TNRC18: variants seen among roughly 807,000 people sequenced by gnomAD.
The protein encoded by TNRC18 is trinucleotide repeat-containing gene 18 protein.
A neutral mutation model predicts 226.7 loss-of-function variants in TNRC18; 69 were observed. That is an observed-to-expected ratio of 0.30 (90% CI 0.25 to 0.37). The LOEUF (loss-of-function observed/expected upper bound fraction) is 0.37. Ranked by LOEUF, TNRC18 falls within the 10% of genes least tolerant of loss-of-function variation. TNRC18 has a pLI of 1.00. For missense variants in TNRC18, 4,754 were observed against 4,256.6 expected, an observed-to-expected ratio of 1.12 and a Z score of -3.25; for synonymous variants, 2,449 against 1,927.6, an observed-to-expected ratio of 1.27 and a Z score of -7.09.
At chr7:5,352,631 C>T (rs560022844) in intron 16 of TNRC18, among the ~76,000 whole-genome samples, 1 of 152,390 alleles carries the variant, frequency 6.6e-6, no homozygotes, top group South Asian at 2.1e-4. Context: ...AACGCTGTTA[C>T]CGCTAGCAGA....
At chr7:5,329,588 C>T (rs1211798915) in intron 19 of TNRC18, among the ~76,000 whole-genome samples, 2 of 136,204 alleles carry the variant, frequency 1.5e-5, no homozygotes, top group Admixed American at 8.7e-5. Flanking sequence ...GAGGCTGAGG[C>T]AGGAGAACTG....
In TNRC18 at chr7:5,390,605, G is replaced by A. The variant is rs201033876; in HGVS notation, c.367C>T (p.Leu123=). 9.3e-5 allele frequency: 148 copies of A among 1,595,812 alleles called. No individual in the cohort carries two copies. The African/African-American group carries it at 1.7e-3, about 18-fold the overall frequency. Residue 123 remains leucine, a synonymous_variant, in exon 4 of 30, where the codon CTG becomes TTG. Coordinates refer to ENST00000430969, the MANE Select transcript of TNRC18 (RefSeq NM_001080495.3). ...TTCAGGTGGAGGTAGGATGGGTACAGCCCACTGGGCAGGTGGGAGAAGCCT... is the reference window on the plus strand; with the variant it reads ...TTCAGGTGGAGGTAGGATGGGTACAACCCACTGGGCAGGTGGGAGAAGCCT... ...HEGFSHLPSG[L]YPSYLHLNHL...
At chr7:5,317,857 C>A (rs185162831) in intron 24 of TNRC18, among the ~76,000 whole-genome samples, 1 of 151,828 alleles carries the variant, frequency 6.6e-6, no homozygotes, top group Admixed American at 6.6e-5. Context: ...AGGTGCACAC[C>A]ACCAAACCTG....
At chr7:5,365,565 T>A (rs1022334239) in intron 11 of TNRC18, among the ~76,000 whole-genome samples, 1 of 152,122 alleles carries the variant, frequency 6.6e-6, no homozygotes, top group African/African-American at 2.4e-5. Context: ...ACCACAGAGA[T>A]CTTGCTTTAG....
chr7:5,394,553 G>T lies in TNRC18; in HGVS notation c.230C>A (p.Pro77His). Residue 77 changes from proline to histidine, a missense_variant, in exon 3 of 30, where the codon CCC becomes CAC. By Grantham distance (77) the Pro-to-His change is moderately conservative (BLOSUM62 -2). Transcript: ENST00000430969. The surrounding 1 kb of genome is among the most constrained non-coding windows in gnomAD (Gnocchi z 4.5). ...TGGGCTCCCATGGGACGAGGCCGAG[G>T]GCCCCATCCCGCTGGCCACAAAGCT... The part of the protein sequence containing the change: ...LGSFVASGMG[P>H]SASSHGSPVP... 6.4e-7 allele frequency: 1 copy of T among 1,551,078 alleles called. No individual in the cohort carries two copies. The highest frequency in any genetic ancestry group is 2.5e-5 in the East Asian group (1 of 40,666).
intron 2 of TNRC18, among the ~76,000 whole-genome samples, chr7:5,418,557 A>T (rs1782334833): frequency 1.3e-5 from 2 of 152,204 alleles, no homozygotes; most frequent in African/African-American, 2.4e-5. Context: ...GACAGCGCTC[A>T]TCCACGTCCG....
intron 14 of TNRC18, 132 bp from the exon 15 acceptor site, chr7:5,359,701 G>A (rs546985477): frequency 2.2e-6 from 2 of 919,054 alleles, no homozygotes; most frequent in Non-Finnish European, 3.4e-6. Flanking sequence ...TGACGGGCGT[G>A]GGGAGATGGA....
chr7:5,416,562 A>C (rs1320702013), intron 2 of TNRC18, among the ~76,000 whole-genome samples: 1 of 150,526 alleles, frequency 6.6e-6, no homozygotes, highest in Non-Finnish European at 1.5e-5. Flanking sequence ...TCTACAGAAA[A>C]TTTTAAAATT....
intron 2 of TNRC18, among the ~76,000 whole-genome samples, chr7:5,418,823 G>A (rs1451117012): frequency 6.6e-6 from 1 of 152,206 alleles, no homozygotes; most frequent in Non-Finnish European, 1.5e-5. Context: ...CCAGCCCCAA[G>A]CAGAGAGTGA....
At chr7:5,397,741 G>A (rs758184348) in intron 2 of TNRC18, among the ~76,000 whole-genome samples, 5 of 151,916 alleles carry the variant, frequency 3.3e-5, no homozygotes, top group Non-Finnish European at 5.9e-5. Flanking sequence ...GGTCTCCCTG[G>A]GCCCCAGAGA....
Position 5,332,877 on chromosome 7 carries a change from C to T in TNRC18, c.5892G>A (p.Ala1964=), listed in dbSNP as rs774246838. Residue 1964 remains alanine, a synonymous_variant, in exon 19 of 30, where the codon GCG becomes GCA. Coordinates refer to ENST00000430969, the MANE Select transcript of TNRC18 (RefSeq NM_001080495.3). The part of the protein sequence containing the change: ...DPSSPDKAKL[A]VEKGRKARKL... Reference sequence around the variant, plus strand: ...TCCGGGCCTTGCGCCCCTTCTCCACCGCCAGCTTGGCCTTGTCTGGGCTGC... The same window carrying T: ...TCCGGGCCTTGCGCCCCTTCTCCACTGCCAGCTTGGCCTTGTCTGGGCTGC... 1.4e-5 allele frequency: 22 copies of T among 1,517,634 alleles called. No homozygotes were observed. The highest frequency in any genetic ancestry group is 2.5e-5 in the South Asian group (2 of 81,576). 94.0% of individuals were successfully genotyped at this position (1,517,634 alleles called of 1,614,324 possible).
At position 5,377,015 on chromosome 7, in the gene TNRC18, T is replaced by C. The variant is rs1779029897; in HGVS notation, c.2462-22A>G. ...AAGCCTAGGAGGAGAAGCCCAGGCC[T>C]GAGTCAGTGCTGGGAGCCCCCAAGC... On this transcript the variant is annotated intron_variant, in intron 7 of 29. Coordinates refer to ENST00000430969, the MANE Select transcript of TNRC18 (RefSeq NM_001080495.3). This position sits in a 1 kb window ranked among gnomAD's most constrained non-coding sequence, Gnocchi z 5.8. 3.8e-6 allele frequency: 6 copies of C among 1,561,460 alleles called. No homozygotes were observed. Among genetic ancestry groups the C allele is most frequent in the South Asian group, 3.5e-5 (3 of 84,810 alleles).
Position 5,362,769 on chromosome 7 carries a change from T to C in TNRC18, c.4276A>G (p.Ser1426Gly). The C allele has an allele frequency of 6.4e-7, 1 of 1,570,688 alleles. No individual in the cohort carries two copies. The highest frequency in any genetic ancestry group is 8.6e-7 in the Non-Finnish European group (1 of 1,158,582). The change falls in exon 12 of 30, where the codon AGC becomes GGC. Residue 1426 changes from serine (S) to glycine (G), a missense_variant. Transcript: ENST00000430969. ...TCCAGCACCTCCCTCAGCATGTGGCTGCCAGCTGCCAGCAGACTCTCCAGG... is the reference window on the plus strand; with the variant it reads ...TCCAGCACCTCCCTCAGCATGTGGCCGCCAGCTGCCAGCAGACTCTCCAGG... ...PSLESLLAAG[S>G]HMLREVLDGP... is the part of the protein sequence containing the mutation.
intron 16 of TNRC18, among the ~76,000 whole-genome samples, chr7:5,353,389 A>C (rs1342100564): frequency 1.3e-5 from 2 of 151,968 alleles, no homozygotes; most frequent in African/African-American, 2.4e-5. Flanking sequence ...AAAAATACAC[A>C]AACTGTTGTA....
intron 2 of TNRC18, among the ~76,000 whole-genome samples, chr7:5,403,319 C>G (rs1160352590): frequency 6.6e-6 from 1 of 152,106 alleles, no homozygotes; most frequent in Non-Finnish European, 1.5e-5. Context: ...CACCACCACG[C>G]CCAGCTAAAT....
At chr7:5,407,982 T>C (rs1343433616) in intron 2 of TNRC18, among the ~76,000 whole-genome samples, 1 of 152,186 alleles carries the variant, frequency 6.6e-6, no homozygotes, top group East Asian at 1.9e-4. Context: ...GACTGCACAG[T>C]ATTTGATCTT....
At position 5,387,232 on chromosome 7, in the gene TNRC18, T is replaced by C. The variant is rs191473020; in HGVS notation, c.2152+440A>G. ...ATGTTGGAACCCCAGTTTCTGTCTG[T>C]TCCTCACTCATTCACTCATCCATCA... On this transcript the variant is annotated intron_variant, in intron 5 of 29. Coordinates refer to ENST00000430969, the MANE Select transcript of TNRC18 (RefSeq NM_001080495.3). 9.4e-4 allele frequency among the ~76,000 whole-genome samples: 143 copies of C among 152,342 alleles called. 1 individual carries two copies. The highest frequency in any genetic ancestry group is 7.6e-4 in the Non-Finnish European group (52 of 68,028).
intron 19 of TNRC18, among the ~76,000 whole-genome samples, chr7:5,328,298 G>A (rs538382907): frequency 5.9e-5 from 9 of 152,294 alleles, no homozygotes; most frequent in Non-Finnish European, 1.0e-4. Context: ...CAAGGCAGGA[G>A]GACTGCTTGA....
At position 5,388,912 on chromosome 7, in the gene TNRC18, AC is replaced by A; in HGVS notation, c.911del (p.Gly304ValfsTer286). 2.2e-6 allele frequency: 3 copies of A among 1,364,058 alleles called. No individual in the cohort carries two copies. 84.5% of individuals were successfully genotyped at this position (1,364,058 alleles called of 1,614,324 possible). Reference sequence around the variant, plus strand: ...CGTCCTGCCGGGCAGCCTCCTTGGCACCCCCGCGCCCCGCTTCGGCCACCAG... The same window carrying A: ...CGTCCTGCCGGGCAGCCTCCTTGGCACCCCGCGCCCCGCTTCGGCCACCAG... ...PALVAEAGRG[G>X]AKEAARQDEG... On this transcript the variant is annotated frameshift_variant, in exon 5 of 30. Coordinates refer to ENST00000430969, the MANE Select transcript of TNRC18 (RefSeq NM_001080495.3). LOFTEE classifies it high-confidence loss of function.
Sources: gnomAD v4.1 joint callset for allele counts (sites outside exome capture counted in the v4.1 genomes callset) on GRCh38, gnomAD v4.1.1 for gene constraint, Gnocchi (gnomAD v3.1) non-coding constraint, MANE v1.5 for transcripts, NCBI Gene and HGNC (gene_info 2026-07-23, HGNC 2026-07-21) for gene names.